The following FKBP1B variants were observed in gnomAD, a reference collection of about 807,000 sequenced individuals.
FKBP1B encodes the protein FKBP prolyl isomerase 1B, also known as peptidyl-prolyl cis-trans isomerase FKBP1B.
Under a neutral mutation model 13.5 loss-of-function variants are expected in FKBP1B, and 4 were observed. That is an observed-to-expected ratio of 0.30 (90% confidence interval 0.15 to 0.68). The LOEUF (loss-of-function observed/expected upper bound fraction) is 0.68, where lower values mean the gene tolerates loss of function less well. Ranked by LOEUF, FKBP1B falls within the 30% of genes least tolerant of loss-of-function variation. The probability of loss-of-function intolerance (pLI) is 0.76; values close to 1 mark genes in which losing one functional copy is unlikely to be tolerated. For synonymous variants in FKBP1B, 54 were observed against 53.6 expected, an observed-to-expected ratio of 1.01 and a Z score of -0.03; for missense variants, 93 against 136.2, an observed-to-expected ratio of 0.68 and a Z score of 1.58.
At chr2:24,060,689 G>T in intron 2 of FKBP1B, 125 bp from the exon 3 acceptor site, 3 of 679,424 alleles carry the variant, frequency 4.4e-6, no homozygotes, top group East Asian at 2.8e-5. Context: ...CAACAGGATG[G>T]ATGGGGAGGA....
At chr2:24,039,006 A>AC in the FKBP1B span, 1 of 1,614,184 alleles carries the variant, frequency 6.2e-7, no homozygotes, top group Non-Finnish European at 8.5e-7. Context: ...CCTGGGTCCA[A>AC]CATGCACAGT....
At chr2:24,055,435 C>G (rs1664083821) in intron 2 of FKBP1B, among the ~76,000 whole-genome samples, 1 of 152,030 alleles carries the variant, frequency 6.6e-6, no homozygotes, top group South Asian at 2.1e-4. Flanking sequence ...GTCTCGAACG[C>G]CTGTATGCAA....
Position 24,060,817 on chromosome 2 carries a change from T to C in FKBP1B, c.89T>C (p.Met30Thr). ...GQTCVVHYTG[M>T]LQNGKKFDSS... is the part of the protein sequence containing the mutation. ...CACCCGATTCTTGCTTTGACAGGAA[T>C]GCTCCAAAATGGGAAGAAGTTTGAT... The change falls in exon 3 of 4, where the codon ATG (methionine) becomes ACG (threonine). Residue 30 changes from methionine (M) to threonine (T), a missense_variant. Transcript: ENST00000380986. 1 of 1,613,334 alleles carries C rather than the reference T, an allele frequency of 6.2e-7. No individual in the cohort carries two copies. Among genetic ancestry groups the C allele is most frequent in the Non-Finnish European group, 8.5e-7 (1 of 1,179,268 alleles).
rs1553320969 is a variant in FKBP1B, at chr2:24,059,379, G to GT, written c.86-1435_86-1434insT. Among the ~76,000 whole-genome samples the GT allele has an allele frequency of 1.1e-4, 16 of 151,966 alleles. No individual in the cohort carries two copies. In the South Asian group the frequency reaches 1.7e-3, roughly 16 times the overall value. On this transcript the variant is annotated intron_variant, in intron 2 of 3. Coordinates refer to ENST00000380986, the MANE Select transcript of FKBP1B (RefSeq NM_004116.5). ...AACTGCTGGACCAGCACCTGGGGGG[G>GT]GGTTCTGGTTTCAAACAGCCCTCTT... is the stretch of plus-strand genomic sequence containing the variant.
chr2:24,036,851 C>T, the FKBP1B span, among the ~76,000 whole-genome samples: 2 of 152,108 alleles, frequency 1.3e-5, no homozygotes, highest in East Asian at 1.9e-4. Flanking sequence ...GAGAAAGTCA[C>T]GAAAGGATCC....
the FKBP1B span, among the ~76,000 whole-genome samples, chr2:24,043,511 CAAAAA>C: frequency 5.9e-5 from 9 of 151,940 alleles, no homozygotes. Flanking sequence ...CAAAACAAAA[CAAAAA>C]ACCCCCCAAC....
rs542807282 is a variant in FKBP1B, at chr2:24,058,578, G to C, written c.86-2236G>C. On this transcript the variant is annotated intron_variant, in intron 2 of 3. Transcript: ENST00000380986. ...GAAACCTGAAGAAACTAAGGAATGA[G>C]AAAGGAAAGTCGGTATATAAATGGA... Among the ~76,000 whole-genome samples, 30 of 152,314 alleles carry C rather than the reference G, an allele frequency of 2.0e-4. No homozygotes were observed. In the South Asian group the frequency reaches 4.8e-3, roughly 24 times the overall value.
rs1454741531 is a variant in FKBP1B at position 24,049,823 on chromosome 2, C to G, written c.-27C>G. 1 of 1,367,842 alleles carries G rather than the reference C, an allele frequency of 7.3e-7. No homozygotes were observed. The highest frequency in any genetic ancestry group is 9.4e-7 in the Non-Finnish European group (1 of 1,058,470). The allele number at this position is 1,367,842 out of a possible 1,614,324, so 84.7% of individuals were successfully genotyped here. Reference sequence around the variant, plus strand: ...CGGGGTCGGGCAGCAGCAGGGACCCCCCAGAGGCGGGGCCTGTGGGACCGC... The same window carrying G: ...CGGGGTCGGGCAGCAGCAGGGACCCGCCAGAGGCGGGGCCTGTGGGACCGC... On this transcript the variant is annotated 5_prime_UTR_variant, in exon 1 of 4. Coordinates refer to ENST00000380986, the MANE Select transcript of FKBP1B (RefSeq NM_004116.5).
chr2:24,060,933 T>C lies in FKBP1B; in HGVS notation c.198+7T>C, dbSNP rs1197457658. The C allele has an allele frequency of 6.2e-7, 1 of 1,607,882 alleles. No individual in the cohort carries two copies. The highest frequency in any genetic ancestry group is 8.5e-7 in the Non-Finnish European group (1 of 1,174,392). On this transcript the variant is annotated splice_region_variant and intron_variant, in intron 3 of 3. Coordinates refer to ENST00000380986, the MANE Select transcript of FKBP1B (RefSeq NM_004116.5). ...TGAAGAGGGTGCAGCCCAGGTAGGA[T>C]GAGGATTCGCATTAAAGGGGATCTG...
intron 3 of FKBP1B, 138 bp from the exon 4 acceptor site, chr2:24,062,926 C>T: frequency 3.2e-6 from 4 of 1,262,600 alleles, no homozygotes; most frequent in Non-Finnish European, 4.5e-6. Context: ...TTCAATGTAT[C>T]CCATGTAAAA....
At chr2:24,052,002 C>T (rs1663900701) in intron 1 of FKBP1B, among the ~76,000 whole-genome samples, 1 of 152,212 alleles carries the variant, frequency 6.6e-6, no homozygotes, top group East Asian at 1.9e-4. Context: ...TCTTCCCTAT[C>T]TCAGGAAATA....
the FKBP1B span, among the ~76,000 whole-genome samples, chr2:24,042,178 G>A: frequency 1.3e-5 from 2 of 152,132 alleles, no homozygotes; most frequent in Non-Finnish European, 2.9e-5. Flanking sequence ...GAGAAGGGCA[G>A]ATCACGTGAG....
chr2:24,035,397 G>T, the FKBP1B span, among the ~76,000 whole-genome samples: 1 of 152,030 alleles, frequency 6.6e-6, no homozygotes, highest in East Asian at 1.9e-4. Flanking sequence ...AATAAAAATG[G>T]TTACCTAAAG....
At chr2:24,039,540 CCAT>C in the FKBP1B span, 1 of 1,581,902 alleles carries the variant, frequency 6.3e-7, no homozygotes, top group East Asian at 2.2e-5. Flanking sequence ...GAAAGTTACA[CCAT>C]GAGAAATCTA....
chr2:24,038,913 G>A, the FKBP1B span: 1 of 1,614,226 alleles, frequency 6.2e-7, no homozygotes, highest in South Asian at 1.1e-5. Flanking sequence ...GGCAGGAGGA[G>A]CACCTGTGAA....
chr2:24,034,489 T>A, the FKBP1B span, among the ~76,000 whole-genome samples: 26 of 151,526 alleles, frequency 1.7e-4, no homozygotes, highest in African/African-American at 6.0e-4. Flanking sequence ...CAAAATTCTA[T>A]CCTCCAGAGA....
the FKBP1B span, among the ~76,000 whole-genome samples, chr2:24,042,560 T>C: frequency 1.5e-4 from 14 of 95,136 alleles, no homozygotes; most frequent in Non-Finnish European, 2.8e-4. Flanking sequence ...AAAAAAAAAA[T>C]TAGCTGGCTG....
intron 1 of FKBP1B, 57 bp from the exon 2 acceptor site, chr2:24,053,845 G>C (rs1431550840): frequency 1.1e-5 from 17 of 1,513,194 alleles, no homozygotes; most frequent in Non-Finnish European, 1.8e-6. Context: ...CATACTTAAT[G>C]TCCCAGGTGT....
Position 24,049,906 on chromosome 2 carries a change from GC to G in FKBP1B, c.37+22del. Reference sequence around the variant, plus strand: ...GAGACGGTACCGGGCTCCCTCCGGAGCCAGGGGAGGGGAGGGGTCCCGGGGC... The same window carrying G: ...GAGACGGTACCGGGCTCCCTCCGGAGCAGGGGAGGGGAGGGGTCCCGGGGC... On this transcript the variant is annotated intron_variant, in intron 1 of 3. Transcript: ENST00000380986. 7.1e-7 allele frequency: 1 copy of G among 1,399,752 alleles called. No homozygotes were observed. Among genetic ancestry groups the G allele is most frequent in the Admixed American group, 2.8e-5 (1 of 35,268 alleles). 86.7% of individuals were successfully genotyped at this position (1,399,752 alleles called of 1,614,324 possible).
Sources: gnomAD v4.1 joint callset for allele counts (sites outside exome capture counted in the v4.1 genomes callset) on GRCh38, gnomAD v4.1.1 for gene constraint, MANE v1.5 for transcripts, NCBI Gene and HGNC (gene_info 2026-07-23, HGNC 2026-07-21) for gene names.